The following COP1 variants were observed in gnomAD, a reference collection of about 807,000 sequenced individuals.
The protein encoded by COP1 is E3 ubiquitin-protein ligase COP1.
COP1 carries 24 observed loss-of-function variants against 101.3 expected under a neutral mutation model. The observed-to-expected ratio is 0.24, with a 90% CI of 0.17 to 0.33. The LOEUF is 0.33. Ranked by LOEUF, COP1 falls within the 10% of genes least tolerant of loss-of-function variation. The pLI, the probability that COP1 is intolerant of heterozygous loss-of-function variation, is 1.00. For missense variants in COP1, 663 were observed against 906.2 expected (o/e 0.73, Z 3.45); for synonymous variants, 347 against 341.9 (o/e 1.01, Z -0.17).
chr1:176,134,484 A>C (rs1338254880), intron 8 of COP1, among the ~76,000 whole-genome samples: 1 of 152,034 alleles, frequency 6.6e-6, no homozygotes, highest in East Asian at 1.9e-4. Context: ...GGTCATGACA[A>C]ATATAACCCT....
In COP1 at chr1:176,007,288, C is replaced by A. The variant is rs372783961; in HGVS notation, c.1730-17809G>T. The stretch of plus-strand genomic sequence containing the variant: ...TTTCAACTTCTTTGCCTTTGGTTTG[C>A]ATGTCCTCCCGTAGCTCAGAGTAAT... On this transcript the variant is annotated intron_variant, in intron 15 of 19. Coordinates refer to ENST00000367669, the MANE Select transcript of COP1 (RefSeq NM_022457.7). 4.0e-3 allele frequency among the ~76,000 whole-genome samples: 613 copies of A among 152,150 alleles called. 1 individual carries two copies. Among genetic ancestry groups the A allele is most frequent in the Middle Eastern group, 0.037 (11 of 294 alleles).
intron 9 of COP1, among the ~76,000 whole-genome samples, chr1:176,101,841 G>A (rs73040946): frequency 6.6e-6 from 1 of 152,270 alleles, no homozygotes; most frequent in African/African-American, 2.4e-5. Context: ...GCCTCTCAGG[G>A]AGATCTGACT....
intron 12 of COP1, among the ~76,000 whole-genome samples, chr1:176,044,204 T>C (rs1229883866): frequency 6.6e-6 from 1 of 152,178 alleles, no homozygotes; most frequent in Non-Finnish European, 1.5e-5. Context: ...CTGGATCCAG[T>C]TGTGCCAAAT....
At chr1:176,019,332 G>A (rs1286466394) in intron 15 of COP1, among the ~76,000 whole-genome samples, 2 of 150,066 alleles carry the variant, frequency 1.3e-5, no homozygotes, top group African/African-American at 4.9e-5. Flanking sequence ...GCATGGTGGT[G>A]TGCGCTTGTA....
intron 6 of COP1, among the ~76,000 whole-genome samples, chr1:176,140,976 G>GA (rs1160753346): frequency 6.6e-6 from 1 of 152,144 alleles, no homozygotes; most frequent in South Asian, 2.1e-4. Context: ...GTAAGTCTCA[G>GA]AATCCCTTAC....
chr1:176,007,197 G>A (rs1171388279), intron 15 of COP1, among the ~76,000 whole-genome samples: 1 of 152,052 alleles, frequency 6.6e-6, no homozygotes, highest in Non-Finnish European at 1.5e-5. Flanking sequence ...AGCTCCATCA[G>A]CTCCTTTAAG....
At chr1:176,088,568 C>T (rs763928728) in intron 9 of COP1, among the ~76,000 whole-genome samples, 7 of 151,940 alleles carry the variant, frequency 4.6e-5, no homozygotes, top group Non-Finnish European at 1.0e-4. Context: ...TGTGTTTTAC[C>T]TCCATTTCAA....
intron 3 of COP1, among the ~76,000 whole-genome samples, chr1:176,171,907 T>C (rs1696133370): frequency 6.6e-6 from 1 of 152,320 alleles, no homozygotes; most frequent in South Asian, 2.1e-4. Context: ...ATAAAAAGCT[T>C]ACTTATATAT....
rs112861612 is a variant in COP1, at chr1:175,988,087, C to G, written c.1972+201G>C. ...CAGGTATTTGAGGTGTTCAGGGTTT[C>G]TACACAATAAAAAAGGGAAGGACTA... On this transcript the variant is annotated intron_variant, in intron 17 of 19. Transcript: ENST00000367669. Among the ~76,000 whole-genome samples the G allele has an allele frequency of 2.6e-3, 399 of 152,214 alleles. 3 individuals are homozygous for G. The highest frequency in any genetic ancestry group is 9.2e-3 in the African/African-American group (381 of 41,534).
intron 11 of COP1, among the ~76,000 whole-genome samples, chr1:176,058,784 C>CT (rs1337201228): frequency 4.6e-5 from 7 of 151,540 alleles, no homozygotes; most frequent in Non-Finnish European, 8.8e-5. Context: ...AATGTGACCT[C>CT]TTATCAGATC....
intron 15 of COP1, among the ~76,000 whole-genome samples, chr1:176,026,992 C>G (rs1351181670): frequency 2.0e-5 from 3 of 152,046 alleles, no homozygotes; most frequent in Admixed American, 1.3e-4. Flanking sequence ...ACGGTGTGAA[C>G]TAGGACTGTC....
chr1:176,077,829 A>C (rs1366832184), intron 11 of COP1, among the ~76,000 whole-genome samples: 1 of 152,172 alleles, frequency 6.6e-6, no homozygotes, highest in Non-Finnish European at 1.5e-5. Flanking sequence ...TCGATGTACA[A>C]AACTTGGTAG....
intron 15 of COP1, among the ~76,000 whole-genome samples, chr1:176,021,549 T>G (rs966381404): frequency 6.6e-6 from 1 of 152,214 alleles, no homozygotes; most frequent in Non-Finnish European, 1.5e-5. Context: ...CGGGACATAA[T>G]TTTTTAATCA....
intron 6 of COP1, among the ~76,000 whole-genome samples, chr1:176,147,724 T>A (rs2149814190): frequency 6.6e-6 from 1 of 152,036 alleles, no homozygotes; most frequent in East Asian, 1.9e-4. Context: ...AAAATCAAAG[T>A]CAATATCACA....
At chr1:176,187,023 T>A (rs1026704051) in intron 1 of COP1, among the ~76,000 whole-genome samples, 3 of 152,316 alleles carry the variant, frequency 2.0e-5, no homozygotes, top group Admixed American at 6.5e-5. Context: ...CATAATGTGT[T>A]CTACTTATAC....
chr1:176,150,110 A>T (rs534928060), intron 5 of COP1, among the ~76,000 whole-genome samples: 1 of 152,322 alleles, frequency 6.6e-6, no homozygotes, highest in Non-Finnish European at 1.5e-5. Flanking sequence ...TGCCCAGATG[A>T]TAAGAATAAG....
chr1:176,052,025 A>ACAG (rs1428728554), intron 11 of COP1, among the ~76,000 whole-genome samples: 3 of 152,214 alleles, frequency 2.0e-5, no homozygotes, highest in Non-Finnish European at 4.4e-5. Flanking sequence ...TGCAATGTTT[A>ACAG]TAAAGTCTAC....
chr1:176,021,271 T>G (rs1666716116), intron 15 of COP1, among the ~76,000 whole-genome samples: 1 of 152,192 alleles, frequency 6.6e-6, no homozygotes, highest in Non-Finnish European at 1.5e-5. Flanking sequence ...TTTAGAAATA[T>G]AAAATCCAGC....
rs553138708 is a variant in COP1, at chr1:176,010,640, T to C, written c.1729+16932A>G. On this transcript the variant is annotated intron_variant, in intron 15 of 19. Coordinates refer to ENST00000367669, the MANE Select transcript of COP1 (RefSeq NM_022457.7). ...AGGCACATGTTTGTTCCAATGGTGA[T>C]GCCAAATTTGATTACTTAAATGACC... Among the ~76,000 whole-genome samples, 7 of 152,360 alleles carry C rather than the reference T, an allele frequency of 4.6e-5. No individual in the cohort carries two copies. The South Asian group carries it at 1.4e-3, about 32-fold the overall frequency.
Sources: gnomAD v4.1 joint callset for allele counts (sites outside exome capture counted in the v4.1 genomes callset) on GRCh38, gnomAD v4.1.1 for gene constraint, MANE v1.5 for transcripts, NCBI Gene and HGNC (gene_info 2026-07-23, HGNC 2026-07-21) for gene names.